The following STT3B variants were observed in gnomAD, a reference collection of about 807,000 sequenced individuals.
STT3B encodes dolichyl-diphosphooligosaccharide--protein glycosyltransferase subunit STT3B.
Under a neutral mutation model 96.8 loss-of-function variants are expected in STT3B, and 29 were observed. The ratio of observed to expected loss-of-function variants is 0.30; its 90% CI spans 0.22 to 0.41. The LOEUF is 0.41. Ranked by LOEUF, STT3B falls within the 10% of genes least tolerant of loss-of-function variation. The probability of loss-of-function intolerance (pLI) is 1.00; values close to 1 mark genes in which losing one functional copy is unlikely to be tolerated. For missense variants in STT3B, 640 were observed against 1,022.3 expected (o/e 0.63, Z 5.10); for synonymous variants, 367 against 360.0 (o/e 1.02, Z -0.22).
At chr3:31,621,892 G>T (rs546458248) in intron 9 of STT3B, among the ~76,000 whole-genome samples, 1 of 152,322 alleles carries the variant, frequency 6.6e-6, no homozygotes, top group Non-Finnish European at 1.5e-5. Context: ...AACTGTGGAT[G>T]TGTAGGTTTT....
intron 1 of STT3B, among the ~76,000 whole-genome samples, chr3:31,553,488 A>G (rs2125441254): frequency 6.6e-6 from 1 of 152,334 alleles, no homozygotes; most frequent in East Asian, 1.9e-4. Context: ...TGTTAAATGA[A>G]AGAAGCCTGA....
At position 31,634,043 on chromosome 3, in the gene STT3B, G is replaced by A. The variant is rs565310787; in HGVS notation, c.2400+896G>A. ...TGATTTTAATTTGTACTATAAAAGT[G>A]CTGAATATTAACGGTGTGATATGTA... On this transcript the variant is annotated intron_variant, in intron 15 of 15. Coordinates refer to ENST00000295770, the MANE Select transcript of STT3B (RefSeq NM_178862.3). Among the ~76,000 whole-genome samples the A allele has an allele frequency of 1.9e-4, 29 of 152,206 alleles. No homozygotes were observed. The East Asian group carries it at 2.5e-3, about 13-fold the overall frequency.
chr3:31,567,590 T>C (rs1698035892), intron 1 of STT3B, among the ~76,000 whole-genome samples: 1 of 152,234 alleles, frequency 6.6e-6, no homozygotes. Context: ...ACGGTGTCAC[T>C]TTTAATGAGG....
At chr3:31,618,095 A>G in intron 8 of STT3B, 107 bp downstream of exon 8, 2 of 772,576 alleles carry the variant, frequency 2.6e-6, no homozygotes, top group South Asian at 3.0e-5. Context: ...AACACTTCTA[A>G]GTACCAAAGA....
rs1698824118 is a variant in STT3B, at chr3:31,597,755, G to GT, written c.777+898dup. The stretch of plus-strand genomic sequence containing the variant: ...ATTATAGGCAAGAGCTGCCGTGCCT[G>GT]TTTTTTAACTTTTTAATGACTTAAA... On this transcript the variant is annotated intron_variant, in intron 4 of 15. Transcript: ENST00000295770. Among the ~76,000 whole-genome samples, 5 of 151,642 alleles carry GT rather than the reference G, an allele frequency of 3.3e-5. No individual in the cohort carries two copies. In the South Asian group the frequency reaches 1.0e-3, roughly 32 times the overall value.
intron 15 of STT3B, among the ~76,000 whole-genome samples, chr3:31,634,067 TA>T (rs1161338510): frequency 2.0e-5 from 3 of 152,214 alleles, no homozygotes; most frequent in African/African-American, 7.2e-5. Context: ...GTGTGATATG[TA>T]AATGGAAGCT....
intron 4 of STT3B, among the ~76,000 whole-genome samples, chr3:31,598,835 G>A (rs1698854947): frequency 6.7e-6 from 1 of 149,160 alleles, no homozygotes; most frequent in Non-Finnish European, 1.5e-5. Flanking sequence ...TTGAGATGGA[G>A]TTTCGCTCTT....
Position 31,629,297 on chromosome 3 carries a change from G to C in STT3B, c.2074-1G>C, listed in dbSNP as rs1452394152. 6.4e-7 allele frequency: 1 copy of C among 1,566,584 alleles called. No homozygotes were observed. The highest frequency in any genetic ancestry group is 8.8e-7 in the Non-Finnish European group (1 of 1,141,304). On this transcript the variant is annotated splice_acceptor_variant, in intron 13 of 15. Transcript: ENST00000295770. LOFTEE classifies it high-confidence loss of function. ...TAGAACTTGTGGTTTCTTTCTTGTA[G>C]GAAAGTGACTATTTTACCCCACAGG...
intron 3 of STT3B, among the ~76,000 whole-genome samples, chr3:31,594,615 A>G (rs977458373): frequency 1.3e-5 from 2 of 151,964 alleles, no homozygotes; most frequent in East Asian, 3.9e-4. Context: ...TTTTTAGTAG[A>G]GACGGGGTTT....
rs200448375 is a variant in STT3B at position 31,578,558 on chromosome 3, GT to G, written c.424-1242del. ...TTGAAAAATATTTTAAATTCACTTT[GT>G]TTTTTTTTCCCCCCCAGTATTGCTG... is the stretch of plus-strand genomic sequence containing the variant. On this transcript the variant is annotated intron_variant, in intron 2 of 15. Coordinates refer to ENST00000295770, the MANE Select transcript of STT3B (RefSeq NM_178862.3). Among the ~76,000 whole-genome samples, 61 of 147,944 alleles carry G rather than the reference GT, an allele frequency of 4.1e-4. No individual in the cohort carries two copies. In the South Asian group the frequency reaches 5.8e-3, roughly 14 times the overall value.
At chr3:31,559,082 G>GTT (rs1208331748) in intron 1 of STT3B, among the ~76,000 whole-genome samples, 2 of 116,664 alleles carry the variant, frequency 1.7e-5, no homozygotes, top group South Asian at 2.8e-4. Context: ...TGCCTTATTG[G>GTT]TTTTTTTTTT....
At chr3:31,625,699 G>A (rs1699521414) in intron 12 of STT3B, among the ~76,000 whole-genome samples, 1 of 152,162 alleles carries the variant, frequency 6.6e-6, no homozygotes, top group African/African-American at 2.4e-5. Flanking sequence ...ATCATAAAAT[G>A]TTAATGTTAT....
At chr3:31,633,393 T>G (rs1699701510) in intron 15 of STT3B, among the ~76,000 whole-genome samples, 1 of 152,230 alleles carries the variant, frequency 6.6e-6, no homozygotes, top group Non-Finnish European at 1.5e-5. Flanking sequence ...TTGCCATTAG[T>G]AAGACTTACT....
chr3:31,586,756 T>C (rs1309953166), intron 3 of STT3B, among the ~76,000 whole-genome samples: 3 of 152,172 alleles, frequency 2.0e-5, no homozygotes, highest in Non-Finnish European at 4.4e-5. Context: ...CAATACCTTA[T>C]GTTGTTTTCA....
chr3:31,557,237 G>A (rs1459350549), intron 1 of STT3B, among the ~76,000 whole-genome samples: 1 of 152,116 alleles, frequency 6.6e-6, no homozygotes. Context: ...CTGTGCCATT[G>A]GTCTGTGTCT....
intron 1 of STT3B, among the ~76,000 whole-genome samples, chr3:31,554,016 A>G (rs1009511500): frequency 3.3e-5 from 5 of 152,152 alleles, no homozygotes; most frequent in Non-Finnish European, 7.3e-5. Flanking sequence ...AGAATCTTAC[A>G]TTCAGTGTTT....
At chr3:31,582,481 GAT>G (rs1370748648) in intron 3 of STT3B, among the ~76,000 whole-genome samples, 3 of 151,760 alleles carry the variant, frequency 2.0e-5, no homozygotes, top group African/African-American at 7.3e-5. Flanking sequence ...TTTTAGTAGA[GAT>G]GGATTTTCAC....
At chr3:31,624,233 C>T (rs1575446846) in intron 11 of STT3B, among the ~76,000 whole-genome samples, 3 of 152,160 alleles carry the variant, frequency 2.0e-5, no homozygotes, top group African/African-American at 4.8e-5. Flanking sequence ...TGCACTCTCC[C>T]CCGCCCCTGC....
At chr3:31,580,679 A>G (rs1049748663) in intron 3 of STT3B, among the ~76,000 whole-genome samples, 2 of 152,158 alleles carry the variant, frequency 1.3e-5, no homozygotes, top group Non-Finnish European at 2.9e-5. Context: ...GAATGGCAGC[A>G]TAAATTTTCT....
Sources: gnomAD v4.1 joint callset for allele counts (sites outside exome capture counted in the v4.1 genomes callset) on GRCh38, gnomAD v4.1.1 for gene constraint, MANE v1.5 for transcripts, NCBI Gene and HGNC (gene_info 2026-07-23, HGNC 2026-07-21) for gene names.